Variants in TMEM132D observed in about 807,000 individuals in gnomAD.
TMEM132D encodes the protein mature OL transmembrane protein.
In TMEM132D, 21 loss-of-function variants were observed where a neutral mutation model predicts 62.3. That is an observed-to-expected ratio of 0.34 (90% CI 0.24 to 0.49). The LOEUF (loss-of-function observed/expected upper bound fraction) is 0.49, where lower values mean the gene tolerates loss of function less well. Among genes scored for constraint, TMEM132D ranks in the 20% least tolerant of loss-of-function variants. The probability of loss-of-function intolerance (pLI) is 0.99; values close to 1 mark genes in which losing one functional copy is unlikely to be tolerated. For missense variants in TMEM132D, 1,346 were observed against 1,402.8 expected (o/e 0.96, Z 0.65); for synonymous variants, 621 against 575.6 (o/e 1.08, Z -1.13).
chr12:129,195,814 G>GA lies in TMEM132D; in HGVS notation c.1443+13705dup, dbSNP rs369050381. Among the ~76,000 whole-genome samples the GA allele has an allele frequency of 5.2e-3, 798 of 152,208 alleles. 2 individuals carry two copies. Among genetic ancestry groups the GA allele is most frequent in the African/African-American group, 0.018 (749 of 41,530 alleles). ...AATGGATCGTGTCCATTCAACAACA[G>GA]AAAAAAACTGAGGAATAAAGAGTTT... On this transcript the variant is annotated intron_variant, in intron 5 of 8. Coordinates refer to ENST00000422113, the MANE Select transcript of TMEM132D (RefSeq NM_133448.3).
At chr12:129,413,043 G>A (rs901796615) in intron 3 of TMEM132D, among the ~76,000 whole-genome samples, 2 of 152,134 alleles carry the variant, frequency 1.3e-5, no homozygotes, top group African/African-American at 4.8e-5. Flanking sequence ...CTGCCACTGA[G>A]AGTCAAATAG....
chr12:129,735,762 G>C (rs893903527), intron 1 of TMEM132D, among the ~76,000 whole-genome samples: 6 of 152,178 alleles, frequency 3.9e-5, no homozygotes, highest in Non-Finnish European at 7.3e-5. Context: ...GAAAACAAGG[G>C]GTGGTTACTA....
At chr12:129,502,525 C>T (rs1020279519) in intron 3 of TMEM132D, among the ~76,000 whole-genome samples, 11 of 151,990 alleles carry the variant, frequency 7.2e-5, no homozygotes, top group Admixed American at 1.3e-4. Flanking sequence ...ATATTGACTT[C>T]GGGCATAACT....
intron 2 of TMEM132D, among the ~76,000 whole-genome samples, chr12:129,687,524 G>A (rs907292601): frequency 1.3e-5 from 2 of 152,028 alleles, no homozygotes; most frequent in African/African-American, 2.4e-5. Context: ...CTGGGTTACT[G>A]GAAGAGTTAG....
chr12:129,306,647 A>C (rs1881852565), intron 4 of TMEM132D, among the ~76,000 whole-genome samples: 1 of 152,208 alleles, frequency 6.6e-6, no homozygotes, highest in Non-Finnish European at 1.5e-5. Flanking sequence ...ATCATTATTT[A>C]TGGTTCTGAG....
intron 4 of TMEM132D, among the ~76,000 whole-genome samples, chr12:129,261,619 T>A (rs1270668291): frequency 6.6e-6 from 1 of 152,194 alleles, no homozygotes; most frequent in Non-Finnish European, 1.5e-5. Flanking sequence ...TATTTTCTCC[T>A]AGTTCCAGAG....
chr12:129,531,165 C>T lies in TMEM132D; in HGVS notation c.1009G>A (p.Ala337Thr). The change falls in exon 3 of 9, where the codon GCC (alanine) becomes ACC (threonine). Residue 337 changes from alanine (A) to threonine (T), a missense_variant. Transcript: ENST00000422113. The part of the protein sequence containing the change: ...KKGVNIIGVR[A>T]SSPSIWDVKE... ...ACATCCCAAATGGAAGGGCTGCTGGCTCGCACGCCGATGATGTTCACGCCT... is the reference window on the plus strand; with the variant it reads ...ACATCCCAAATGGAAGGGCTGCTGGTTCGCACGCCGATGATGTTCACGCCT... 4 of 1,613,548 alleles carry T rather than the reference C, an allele frequency of 2.5e-6. No homozygotes were observed. The highest frequency in any genetic ancestry group is 2.2e-5 in the East Asian group (1 of 44,874).
chr12:129,282,201 A>T (rs1881175107), intron 4 of TMEM132D, among the ~76,000 whole-genome samples: 1 of 152,122 alleles, frequency 6.6e-6, no homozygotes, highest in Non-Finnish European at 1.5e-5. Context: ...GGCAGCTACT[A>T]CTTGTCTCAA....
intron 4 of TMEM132D, among the ~76,000 whole-genome samples, chr12:129,215,037 T>C (rs1308602042): frequency 2.0e-5 from 3 of 152,158 alleles, no homozygotes; most frequent in Non-Finnish European, 4.4e-5. Context: ...GTATTCACAA[T>C]AGCAAAGACA....
chr12:129,395,387 T>C (rs961935964), intron 3 of TMEM132D, among the ~76,000 whole-genome samples: 3 of 152,116 alleles, frequency 2.0e-5, no homozygotes, highest in African/African-American at 4.8e-5. Context: ...CACAATTAAA[T>C]TAGATTTAAT....
At chr12:129,682,183 G>A (rs1317136912) in intron 2 of TMEM132D, among the ~76,000 whole-genome samples, 1 of 152,200 alleles carries the variant, frequency 6.6e-6, no homozygotes, top group African/African-American at 2.4e-5. Context: ...AGTTTGAAAT[G>A]GCCTTAAGTA....
chr12:129,596,774 T>TC (rs1878348936), intron 2 of TMEM132D, among the ~76,000 whole-genome samples: 2 of 152,154 alleles, frequency 1.3e-5, no homozygotes, highest in Non-Finnish European at 2.9e-5. Flanking sequence ...AATGGTGTTT[T>TC]TTTTTTTAAA....
chr12:129,506,728 A>T (rs1034535050), intron 3 of TMEM132D, among the ~76,000 whole-genome samples: 10 of 152,218 alleles, frequency 6.6e-5, no homozygotes, highest in African/African-American at 2.4e-4. Context: ...ATGAATGACT[A>T]AATCTAAGAC....
At chr12:129,526,442 G>T (rs191486328) in intron 3 of TMEM132D, among the ~76,000 whole-genome samples, 1 of 152,096 alleles carries the variant, frequency 6.6e-6, no homozygotes, top group African/African-American at 2.4e-5. Context: ...GCACCACCAT[G>T]CCCAGCTAAT....
At chr12:129,484,973 C>G (rs535883359) in intron 3 of TMEM132D, among the ~76,000 whole-genome samples, 30 of 152,250 alleles carry the variant, frequency 2.0e-4, no homozygotes, top group South Asian at 6.2e-4. Context: ...CACAGAGGGC[C>G]AAAGGGACAT....
chr12:129,879,374 C>T (rs892728029), intron 1 of TMEM132D, among the ~76,000 whole-genome samples: 1 of 152,168 alleles, frequency 6.6e-6, no homozygotes, highest in African/African-American at 2.4e-5. Flanking sequence ...ATGCAGAGAA[C>T]TGGAAAAAGT....
At chr12:129,092,450 C>T (rs1017672107) in intron 5 of TMEM132D, among the ~76,000 whole-genome samples, 4 of 152,004 alleles carry the variant, frequency 2.6e-5, no homozygotes, top group African/African-American at 9.7e-5. Context: ...TGCTTAGTCT[C>T]TGTCTTGGAT....
chr12:129,744,916 G>A (rs965015390), intron 1 of TMEM132D, among the ~76,000 whole-genome samples: 12 of 152,152 alleles, frequency 7.9e-5, no homozygotes, highest in Admixed American at 7.2e-4. Flanking sequence ...CACATGTCAA[G>A]GGAGAGACCA....
intron 4 of TMEM132D, among the ~76,000 whole-genome samples, chr12:129,260,459 G>A (rs1280173521): frequency 6.6e-6 from 1 of 152,192 alleles, no homozygotes; most frequent in Non-Finnish European, 1.5e-5. Context: ...GTTTTAAAAT[G>A]TTCACAGGAA....
Sources: gnomAD v4.1 joint callset for allele counts (sites outside exome capture counted in the v4.1 genomes callset) on GRCh38, gnomAD v4.1.1 for gene constraint, MANE v1.5 for transcripts, NCBI Gene and HGNC (gene_info 2026-07-23, HGNC 2026-07-21) for gene names.